The following PRKG1 variants were observed in gnomAD, a reference collection of about 807,000 sequenced individuals.
PRKG1 encodes protein kinase cGMP-dependent 1, also known as cGMP-dependent protein kinase 1.
Under a neutral mutation model 88.1 loss-of-function variants are expected in PRKG1, and 35 were observed. The ratio of observed to expected loss-of-function variants is 0.40; its 90% confidence interval spans 0.30 to 0.53. PRKG1 has a LOEUF of 0.53. Ranked by LOEUF, PRKG1 falls within the 20% of genes least tolerant of loss-of-function variation. PRKG1 has a pLI of 0.59. For missense variants in PRKG1, 540 were observed against 839.8 expected (o/e 0.64, Z 4.41); for synonymous variants, 303 against 292.5 (o/e 1.04, Z -0.37).
At chr10:51,310,936 C>A (rs1380481098) in intron 2 of PRKG1, among the ~76,000 whole-genome samples, 1 of 152,160 alleles carries the variant, frequency 6.6e-6, no homozygotes, top group East Asian at 1.9e-4. Context: ...ATTCTGGAGT[C>A]ACAAATGGCT....
intron 2 of PRKG1, among the ~76,000 whole-genome samples, chr10:51,201,434 A>G (rs1222119153): frequency 1.3e-5 from 2 of 152,218 alleles, no homozygotes; most frequent in Non-Finnish European, 1.5e-5. Context: ...CCTAGGGGAC[A>G]AGAGTGAGAC....
chr10:52,128,514 C>A, intron 7 of PRKG1: 1 of 985,324 alleles, frequency 1.0e-6, no homozygotes, highest in Non-Finnish European at 1.2e-6. Flanking sequence ...GATGAAGATT[C>A]CAGTGACGAA....
intron 2 of PRKG1, among the ~76,000 whole-genome samples, chr10:51,365,186 C>T (rs1396013588): frequency 6.6e-6 from 1 of 151,868 alleles, no homozygotes; most frequent in African/African-American, 2.4e-5. Flanking sequence ...ACATGGTAGG[C>T]ACACAGTAAA....
At chr10:52,155,225 C>A (rs1838059680) in intron 8 of PRKG1, among the ~76,000 whole-genome samples, 1 of 152,062 alleles carries the variant, frequency 6.6e-6, no homozygotes, top group South Asian at 2.1e-4. Flanking sequence ...TTTAAGGAAT[C>A]TCCATACTAT....
intron 3 of PRKG1, among the ~76,000 whole-genome samples, chr10:51,543,157 C>G (rs61849827): frequency 0.055 from 8,345 of 152,242 alleles, 344 homozygotes; most frequent in Middle Eastern, 0.085. Context: ...CCTGTCCCAT[C>G]TAACATTACC....
intron 7 of PRKG1, among the ~76,000 whole-genome samples, chr10:52,110,107 G>A (rs1208208124): frequency 6.6e-6 from 1 of 151,922 alleles, no homozygotes. Context: ...CTAGCACTTT[G>A]GGAGGCCGAG....
At chr10:51,909,064 G>A (rs926172438) in intron 5 of PRKG1, 1 of 152,162 alleles carries the variant, frequency 6.6e-6, no homozygotes. Flanking sequence ...AAACTGAAAA[G>A]CTTTACCATT....
At chr10:51,624,078 A>G (rs1839275453) in intron 3 of PRKG1, among the ~76,000 whole-genome samples, 1 of 152,174 alleles carries the variant, frequency 6.6e-6, no homozygotes, top group Non-Finnish European at 1.5e-5. Flanking sequence ...AATGACAGAA[A>G]AGTGACTCTC....
chr10:52,071,275 T>A (rs1223786977), intron 7 of PRKG1, among the ~76,000 whole-genome samples: 1 of 152,142 alleles, frequency 6.6e-6, no homozygotes, highest in Non-Finnish European at 1.5e-5. Flanking sequence ...AAAGGTAGAT[T>A]TTCAACCCTT....
chr10:51,858,340 T>TAAA (rs368712475), intron 4 of PRKG1, among the ~76,000 whole-genome samples: 2 of 25,782 alleles, frequency 7.8e-5, no homozygotes, highest in African/African-American at 2.4e-4. Flanking sequence ...ATAATATATA[T>TAAA]ATTATATAAA....
At chr10:52,207,685 T>C (rs1486086000) in intron 9 of PRKG1, among the ~76,000 whole-genome samples, 3 of 152,162 alleles carry the variant, frequency 2.0e-5, no homozygotes, top group Admixed American at 6.5e-5. Context: ...TGGGATCTCC[T>C]GCAGCTGAGA....
intron 3 of PRKG1, among the ~76,000 whole-genome samples, chr10:51,489,058 G>C (rs1178901518): frequency 1.3e-5 from 2 of 152,154 alleles, no homozygotes; most frequent in Non-Finnish European, 2.9e-5. Flanking sequence ...TAACTCTGTA[G>C]TTAGCAACAT....
intron 9 of PRKG1, among the ~76,000 whole-genome samples, chr10:52,180,725 C>G (rs1035985437): frequency 6.6e-6 from 1 of 152,290 alleles, no homozygotes; most frequent in South Asian, 2.1e-4. Context: ...TGCCAGACAT[C>G]GGCTTGTCAG....
At chr10:51,363,571 C>T (rs1346373591) in intron 2 of PRKG1, among the ~76,000 whole-genome samples, 1 of 151,888 alleles carries the variant, frequency 6.6e-6, no homozygotes, top group Non-Finnish European at 1.5e-5. Context: ...GACTTAGTGA[C>T]TTCAGTTTAT....
chr10:51,922,532 A>G (rs886995358), intron 5 of PRKG1, among the ~76,000 whole-genome samples: 8 of 151,836 alleles, frequency 5.3e-5, no homozygotes, highest in Non-Finnish European at 1.0e-4. Context: ...GTATTCATTC[A>G]ATGCTGTAAT....
intron 2 of PRKG1, among the ~76,000 whole-genome samples, chr10:51,238,607 G>T (rs1839064410): frequency 1.3e-5 from 2 of 148,200 alleles, no homozygotes; most frequent in South Asian, 2.2e-4. Context: ...AATAAAAAAA[G>T]TCAAAATTAG....
intron 3 of PRKG1, among the ~76,000 whole-genome samples, chr10:51,790,102 C>T (rs367569407): frequency 2.5e-3 from 379 of 152,254 alleles, no homozygotes; most frequent in African/African-American, 8.4e-3. Context: ...GGATTACAGG[C>T]GTCAGCCACC....
intron 3 of PRKG1, among the ~76,000 whole-genome samples, chr10:51,514,218 C>A (rs1473644772): frequency 6.6e-6 from 1 of 151,544 alleles, no homozygotes; most frequent in Middle Eastern, 3.2e-3. Context: ...ACTACAAACA[C>A]CTCTATGCAA....
At chr10:51,645,416 A>G (rs959603236) in intron 3 of PRKG1, among the ~76,000 whole-genome samples, 4 of 152,184 alleles carry the variant, frequency 2.6e-5, no homozygotes, top group African/African-American at 9.7e-5. Flanking sequence ...TAAATAAGCA[A>G]TCTTTTGAGT....
Sources: gnomAD v4.1 joint callset for allele counts (sites outside exome capture counted in the v4.1 genomes callset) on GRCh38, gnomAD v4.1.1 for gene constraint, MANE v1.5 for transcripts, NCBI Gene and HGNC (gene_info 2026-07-23, HGNC 2026-07-21) for gene names.